RIMS2: variants seen among roughly 807,000 people sequenced by gnomAD.
RIMS2 encodes regulating synaptic membrane exocytosis 2.
Under a neutral mutation model 174.4 loss-of-function variants are expected in RIMS2, and 59 were observed. That is an observed-to-expected ratio of 0.34 (90% CI 0.27 to 0.42). The LOEUF (loss-of-function observed/expected upper bound fraction) is 0.42. Among genes scored for constraint, RIMS2 ranks in the 10% least tolerant of loss-of-function variants. RIMS2 has a pLI of 1.00. For synonymous variants in RIMS2, 606 were observed against 572.5 expected (o/e 1.06, Z -0.84); for missense variants, 1,620 against 1,666.3 (o/e 0.97, Z 0.48).
Position 103,918,425 on chromosome 8 carries a change from T to C in RIMS2, c.2037-16T>C. The C allele has an allele frequency of 6.6e-7, 1 of 1,523,564 alleles. No individual in the cohort carries two copies. The highest frequency in any genetic ancestry group is 1.3e-5 in the South Asian group (1 of 78,922). 94.4% of individuals were successfully genotyped at this position (1,523,564 alleles called of 1,614,324 possible). On this transcript the variant is annotated splice_polypyrimidine_tract_variant and intron_variant, in intron 8 of 23. Transcript: ENST00000504942. Reference sequence around the variant, plus strand: ...GAAACAGTTTCTGTCTTTCTTTTTTTTTTTAATCATTTCAGAGATATACCG... The same window carrying C: ...GAAACAGTTTCTGTCTTTCTTTTTTCTTTTAATCATTTCAGAGATATACCG...
chr8:103,611,955 T>A (rs1182637543), intron 1 of RIMS2, among the ~76,000 whole-genome samples: 3 of 145,540 alleles, frequency 2.1e-5, no homozygotes, highest in Admixed American at 2.0e-4. Context: ...GTAGGCATAC[T>A]TCATTGTTTT....
intron 19 of RIMS2, among the ~76,000 whole-genome samples, chr8:104,179,241 T>A (rs2098925554): frequency 6.6e-6 from 1 of 152,102 alleles, no homozygotes; most frequent in Non-Finnish European, 1.5e-5. Context: ...CTTGGTTATA[T>A]TCTTATTTCG....
chr8:103,821,259 C>G (rs1256120006), intron 3 of RIMS2, among the ~76,000 whole-genome samples: 1 of 151,548 alleles, frequency 6.6e-6, no homozygotes, highest in Non-Finnish European at 1.5e-5. Flanking sequence ...TCAGTAAGAG[C>G]CTTTAAAGCT....
intron 3 of RIMS2, 99 bp downstream of exon 6, chr8:103,766,636 TCTAAGTAA>T (rs2098174786): frequency 1.3e-6 from 1 of 762,566 alleles, no homozygotes; most frequent in Non-Finnish European, 2.1e-6. Context: ...TGGTGAGTTG[TCTAAGTAA>T]TGTAAACATT....
chr8:103,594,153 A>G (rs943827091), intron 1 of RIMS2, among the ~76,000 whole-genome samples: 11 of 151,590 alleles, frequency 7.3e-5, no homozygotes, highest in African/African-American at 2.7e-4. Context: ...CTCCATGTGG[A>G]TGCTCCCAGC....
chr8:104,090,865 C>G (rs2097642564), intron 19 of RIMS2, among the ~76,000 whole-genome samples: 1 of 151,722 alleles, frequency 6.6e-6, no homozygotes, highest in Admixed American at 6.6e-5. Flanking sequence ...TTAGAATAGT[C>G]TTAATGTATT....
At chr8:103,610,279 G>A (rs1031561516) in intron 1 of RIMS2, among the ~76,000 whole-genome samples, 5 of 152,098 alleles carry the variant, frequency 3.3e-5, no homozygotes, top group Admixed American at 6.5e-5. Flanking sequence ...ATATGCAAAG[G>A]GGATAGTTTG....
intron 1 of RIMS2, among the ~76,000 whole-genome samples, chr8:103,683,816 T>C (rs547832985): frequency 6.6e-6 from 1 of 152,288 alleles, no homozygotes; most frequent in Non-Finnish European, 1.5e-5. Flanking sequence ...CTGAACCTCC[T>C]GTAGTGGTGC....
intron 1 of RIMS2, among the ~76,000 whole-genome samples, chr8:103,604,482 G>A (rs1293004573): frequency 6.6e-6 from 1 of 152,024 alleles, no homozygotes; most frequent in African/African-American, 2.4e-5. Flanking sequence ...GGCAACGCGG[G>A]CTCTTTTTTG....
intron 19 of RIMS2, among the ~76,000 whole-genome samples, chr8:104,211,596 G>T (rs114256379): frequency 6.7e-5 from 10 of 149,344 alleles, no homozygotes; most frequent in African/African-American, 2.5e-4. Flanking sequence ...ACAGAGTTTC[G>T]CTCTGTTGCC....
intron 19 of RIMS2, among the ~76,000 whole-genome samples, chr8:104,155,490 T>C (rs1248034968): frequency 1.5e-5 from 2 of 135,214 alleles, no homozygotes; most frequent in Non-Finnish European, 3.1e-5. Context: ...CTCGGCTCAC[T>C]GCAAGCTCCA....
At chr8:103,988,987 TTGAG>T (rs2094528996) in intron 16 of RIMS2, among the ~76,000 whole-genome samples, 1 of 152,210 alleles carries the variant, frequency 6.6e-6, no homozygotes, top group South Asian at 2.1e-4. Flanking sequence ...GAGTATATTA[TTGAG>T]TATCAGTACT....
At chr8:104,113,958 C>T (rs2098238514) in intron 19 of RIMS2, among the ~76,000 whole-genome samples, 1 of 151,618 alleles carries the variant, frequency 6.6e-6, no homozygotes, top group Non-Finnish European at 1.5e-5. Flanking sequence ...AAAAAATAAC[C>T]ACAAATAAGG....
At chr8:104,222,060 C>T (rs1563837327) in intron 19 of RIMS2, among the ~76,000 whole-genome samples, 1 of 152,250 alleles carries the variant, frequency 6.6e-6, no homozygotes, top group Non-Finnish European at 1.5e-5. Context: ...AGGTTCTTCA[C>T]ACCTCTGTTC....
chr8:103,598,807 T>A (rs974722959), intron 1 of RIMS2, among the ~76,000 whole-genome samples: 1 of 152,162 alleles, frequency 6.6e-6, no homozygotes, highest in Admixed American at 6.6e-5. Flanking sequence ...AAATAGGAGA[T>A]AGAGCTTCTT....
At chr8:103,735,604 T>C (rs1591353681) in intron 2 of RIMS2, among the ~76,000 whole-genome samples, 1 of 152,200 alleles carries the variant, frequency 6.6e-6, no homozygotes, top group African/African-American at 2.4e-5. Context: ...CCTCAAATCA[T>C]GGGAATCTTT....
At chr8:103,544,545 C>T (rs1026554703) in intron 1 of RIMS2, among the ~76,000 whole-genome samples, 2 of 152,220 alleles carry the variant, frequency 1.3e-5, no homozygotes, top group African/African-American at 4.8e-5. Flanking sequence ...ACTCTACCCT[C>T]CCCCACCTCT....
chr8:103,693,895 G>A (rs541949819), intron 1 of RIMS2, among the ~76,000 whole-genome samples: 6 of 152,342 alleles, frequency 3.9e-5, no homozygotes, highest in African/African-American at 1.2e-4. Flanking sequence ...TTGAGCCTGT[G>A]TCAGGAGGGG....
At chr8:103,515,580 T>C (rs1449785522) in intron 1 of RIMS2, among the ~76,000 whole-genome samples, 1 of 152,140 alleles carries the variant, frequency 6.6e-6, no homozygotes, top group Non-Finnish European at 1.5e-5. Flanking sequence ...GTAATTGGGA[T>C]TGAAGCAGCT....
Sources: gnomAD v4.1 joint callset for allele counts (sites outside exome capture counted in the v4.1 genomes callset) on GRCh38, gnomAD v4.1.1 for gene constraint, MANE v1.5 for transcripts, NCBI Gene and HGNC (gene_info 2026-07-23, HGNC 2026-07-21) for gene names.